Variants in CSMD3 observed in about 807,000 individuals in gnomAD.
CSMD3 encodes the protein CUB and sushi domain-containing protein 3.
CSMD3 carries 177 observed loss-of-function variants against 435.2 expected under a neutral mutation model. The observed-to-expected ratio is 0.41, with a 90% CI of 0.36 to 0.46. CSMD3 has a LOEUF of 0.46. CSMD3 is among the 20% of genes least tolerant of loss of function. The pLI, the probability that CSMD3 is intolerant of heterozygous loss-of-function variation, is 0.34. For synonymous variants in CSMD3, 1,656 were observed against 1,520.5 expected (o/e 1.09, Z -2.07); for missense variants, 4,265 against 4,504.6 (o/e 0.95, Z 1.52).
chr8:112,374,597 T>G (rs1036468314), intron 38 of CSMD3, among the ~76,000 whole-genome samples: 1 of 152,170 alleles, frequency 6.6e-6, no homozygotes, highest in Non-Finnish European at 1.5e-5. Flanking sequence ...TCTATATCTT[T>G]AAAGGCTTTT....
rs373328000 is a variant in CSMD3, at chr8:112,406,594, G to A, written c.5739C>T (p.Ser1913=). Residue 1913 remains serine, a synonymous_variant, in exon 35 of 71, where the codon TCC becomes TCT. Transcript: ENST00000297405. ...DCNPGYILHG[S]IAIRCETVPN... ...GCACTGTTTCACACCTAATTGCTAT[G>A]GATCCATGGAGAATATATCCTGGAT... 29 of 1,612,604 alleles carry A rather than the reference G, an allele frequency of 1.8e-5. No homozygotes were observed. The highest frequency in any genetic ancestry group is 2.4e-5 in the Non-Finnish European group (28 of 1,178,900).
chr8:113,315,613 C>A (rs1319492012), intron 1 of CSMD3, among the ~76,000 whole-genome samples: 8 of 147,718 alleles, frequency 5.4e-5, no homozygotes, highest in African/African-American at 1.7e-4. Context: ...AAATATATAT[C>A]TCAAATATAT....
At chr8:113,309,711 T>C (rs2093852600) in intron 2 of CSMD3, 1 of 152,224 alleles carries the variant, frequency 6.6e-6, no homozygotes, top group Admixed American at 6.5e-5. Flanking sequence ...AAACAATTTA[T>C]TTAGAAATAA....
chr8:112,845,616 A>C (rs1378209753), intron 11 of CSMD3, among the ~76,000 whole-genome samples: 1 of 152,082 alleles, frequency 6.6e-6, no homozygotes, highest in Non-Finnish European at 1.5e-5. Context: ...AGCTATGCAG[A>C]ACCATTTAAA....
intron 44 of CSMD3, among the ~76,000 whole-genome samples, chr8:112,336,048 G>C (rs1824527643): frequency 1.3e-5 from 2 of 151,942 alleles, no homozygotes; most frequent in East Asian, 3.9e-4. Flanking sequence ...GAATAGCTGG[G>C]ACCACAGGCG....
intron 11 of CSMD3, among the ~76,000 whole-genome samples, chr8:112,840,916 A>G (rs181564805): frequency 7.9e-5 from 12 of 151,862 alleles, no homozygotes; most frequent in African/African-American, 2.6e-4. Flanking sequence ...GCACTGTTAT[A>G]GTGATATAGA....
chr8:112,583,500 A>C (rs886268072), intron 23 of CSMD3, among the ~76,000 whole-genome samples: 18 of 151,968 alleles, frequency 1.2e-4, no homozygotes, highest in Non-Finnish European at 2.5e-4. Flanking sequence ...TATAGTTCAT[A>C]TATCTTTTTA....
chr8:113,005,761 T>A (rs2086033179), intron 6 of CSMD3, among the ~76,000 whole-genome samples: 1 of 152,064 alleles, frequency 6.6e-6, no homozygotes, highest in South Asian at 2.1e-4. Flanking sequence ...TCTCTTAATT[T>A]CTCTTATTTT....
rs562324676 is a variant in CSMD3, at chr8:112,793,219, TAC to T, written c.1972+6941_1972+6942del. 2.1e-3 allele frequency among the ~76,000 whole-genome samples: 306 copies of T among 147,180 alleles called. 1 individual carries two copies. The highest frequency in any genetic ancestry group is 7.2e-3 in the African/African-American group (294 of 40,662). On this transcript the variant is annotated intron_variant, in intron 13 of 70. Transcript: ENST00000297405. ...AAATATTATATATAAATATATAATA[TAC>T]AAAATGGCATTAAGACACAGGTGCT...
intron 32 of CSMD3, among the ~76,000 whole-genome samples, chr8:112,467,624 A>T (rs58228077): frequency 0.017 from 2,649 of 152,244 alleles, 78 homozygotes; most frequent in African/African-American, 0.06. Flanking sequence ...GGAAACAGGG[A>T]TTTTGCAGAT....
intron 59 of CSMD3, among the ~76,000 whole-genome samples, chr8:112,274,422 T>C (rs1220055938): frequency 6.6e-6 from 1 of 152,026 alleles, no homozygotes; most frequent in Non-Finnish European, 1.5e-5. Flanking sequence ...AAGATGGATC[T>C]GAGAGTCAAG....
chr8:113,026,009 A>T (rs1353889895), intron 5 of CSMD3, among the ~76,000 whole-genome samples: 1 of 152,156 alleles, frequency 6.6e-6, no homozygotes, highest in Non-Finnish European at 1.5e-5. Flanking sequence ...GTCTGGTACC[A>T]TCAAGATAGT....
intron 10 of CSMD3, among the ~76,000 whole-genome samples, chr8:112,886,094 A>G (rs2081588512): frequency 6.6e-6 from 1 of 151,650 alleles, no homozygotes; most frequent in Admixed American, 6.6e-5. Flanking sequence ...AAATATCAGG[A>G]TTCTGTGGTT....
Position 112,228,741 on chromosome 8 carries a change from A to T in CSMD3, c.10964+15T>A. 1 of 1,595,432 alleles carries T rather than the reference A, an allele frequency of 6.3e-7. No homozygotes were observed. Among genetic ancestry groups the T allele is most frequent in the Non-Finnish European group, 8.6e-7 (1 of 1,164,184 alleles). On this transcript the variant is annotated intron_variant, in intron 70 of 70. Coordinates refer to ENST00000297405, the MANE Select transcript of CSMD3 (RefSeq NM_198123.2). ...ATTTGGGAAACATTTTGTAGTTAAA[A>T]ATCAATGAGCTTACCTTTGTTTATA...
chr8:113,261,312 A>G (rs2093425495), intron 3 of CSMD3, among the ~76,000 whole-genome samples: 1 of 152,146 alleles, frequency 6.6e-6, no homozygotes, highest in South Asian at 2.1e-4. Flanking sequence ...TGTTTGCTTC[A>G]GGGACTTCAT....
intron 1 of CSMD3, among the ~76,000 whole-genome samples, chr8:113,385,613 C>T (rs2094436112): frequency 6.6e-6 from 1 of 151,992 alleles, no homozygotes; most frequent in Non-Finnish European, 1.5e-5. Context: ...ACAAAAGTGT[C>T]AAATATAAGT....
At chr8:112,306,922 T>C (rs1243851880) in intron 50 of CSMD3, among the ~76,000 whole-genome samples, 1 of 152,152 alleles carries the variant, frequency 6.6e-6, no homozygotes, top group Admixed American at 6.6e-5. Context: ...TTGCCTAGTT[T>C]GTTGTATATA....
chr8:112,266,563 C>T (rs1816969080), intron 59 of CSMD3, among the ~76,000 whole-genome samples: 1 of 152,174 alleles, frequency 6.6e-6, no homozygotes, highest in South Asian at 2.1e-4. Flanking sequence ...GAGCATTAAA[C>T]TCTAAGCACA....
chr8:112,751,927 A>G (rs969685877), intron 13 of CSMD3, among the ~76,000 whole-genome samples: 5 of 152,062 alleles, frequency 3.3e-5, no homozygotes, highest in Non-Finnish European at 7.4e-5. Context: ...CTTGAGCACT[A>G]AATTCTCTAT....
Sources: gnomAD v4.1 joint callset for allele counts (sites outside exome capture counted in the v4.1 genomes callset) on GRCh38, gnomAD v4.1.1 for gene constraint, MANE v1.5 for transcripts, NCBI Gene and HGNC (gene_info 2026-07-23, HGNC 2026-07-21) for gene names.